Variants in SGCZ observed in about 807,000 individuals in gnomAD.
The protein encoded by SGCZ is zeta-sarcoglycan.
SGCZ carries 40 observed loss-of-function variants against 41.3 expected under a neutral mutation model. The observed-to-expected ratio is 0.97, with a 90% CI of 0.75 to 1.26. SGCZ has a LOEUF of 1.26. Among genes scored for constraint, SGCZ ranks in the 50% most tolerant of loss-of-function variants. The pLI is 0.00. For synonymous variants in SGCZ, 206 were observed against 137.5 expected, an observed-to-expected ratio of 1.50 and a Z score of -3.49; for missense variants, 552 against 369.8, an observed-to-expected ratio of 1.49 and a Z score of -4.04.
At chr8:14,634,873 G>A (rs1369134882) in intron 1 of SGCZ, among the ~76,000 whole-genome samples, 1 of 151,762 alleles carries the variant, frequency 6.6e-6, no homozygotes, top group Non-Finnish European at 1.5e-5. Flanking sequence ...TGAGAGTTAT[G>A]TATAGAGACC....
intron 1 of SGCZ, among the ~76,000 whole-genome samples, chr8:14,864,622 G>T (rs1803863274): frequency 6.6e-6 from 1 of 152,050 alleles, no homozygotes; most frequent in Admixed American, 6.6e-5. Context: ...TAAAGTCAGA[G>T]AAATAATAAC....
At chr8:14,302,285 T>C (rs780000956) in intron 3 of SGCZ, among the ~76,000 whole-genome samples, 4 of 152,188 alleles carry the variant, frequency 2.6e-5, no homozygotes, top group Non-Finnish European at 5.9e-5. Flanking sequence ...ATTTGAAATT[T>C]TCTCTTGAAT....
At chr8:14,181,128 A>C (rs1804711515) in intron 4 of SGCZ, among the ~76,000 whole-genome samples, 1 of 152,216 alleles carries the variant, frequency 6.6e-6, no homozygotes, top group South Asian at 2.1e-4. Flanking sequence ...TAATAGGGCC[A>C]ACGGGAGAAA....
chr8:15,233,539 A>T (rs886432863), intron 1 of SGCZ, among the ~76,000 whole-genome samples: 7 of 152,092 alleles, frequency 4.6e-5, no homozygotes, highest in Non-Finnish European at 5.9e-5. Flanking sequence ...TCATTATATT[A>T]TTTAGGGAAG....
chr8:14,126,638 T>A (rs1411825975), intron 5 of SGCZ, among the ~76,000 whole-genome samples: 1 of 152,188 alleles, frequency 6.6e-6, no homozygotes, highest in Admixed American at 6.5e-5. Context: ...TTACTGGGTA[T>A]ATATCCAAAG....
intron 2 of SGCZ, among the ~76,000 whole-genome samples, chr8:14,417,839 T>C (rs1355634617): frequency 6.6e-6 from 1 of 152,018 alleles, no homozygotes; most frequent in South Asian, 2.1e-4. Context: ...ACAACTTAAA[T>C]ATATATAATT....
chr8:14,463,893 C>T (rs1800973789), intron 2 of SGCZ, among the ~76,000 whole-genome samples: 1 of 145,238 alleles, frequency 6.9e-6, no homozygotes, highest in African/African-American at 2.8e-5. Flanking sequence ...TGTTTTTCTG[C>T]CTTCATTCTC....
intron 1 of SGCZ, among the ~76,000 whole-genome samples, chr8:15,141,913 A>G (rs1195281037): frequency 6.6e-6 from 1 of 152,062 alleles, no homozygotes; most frequent in African/African-American, 2.4e-5. Context: ...AAAAAAACAA[A>G]AAAAATGAGA....
Position 14,375,443 on chromosome 8 carries a change from A to G in SGCZ, c.235-51239T>C, listed in dbSNP as rs145661354. On this transcript the variant is annotated intron_variant, in intron 2 of 7. Transcript: ENST00000382080. ...ACATAATTATTAGGAAGGTTGACTA[A>G]CTACCTATTTATCTATTTAGATCTT... Among the ~76,000 whole-genome samples the G allele has an allele frequency of 3.4e-4, 52 of 152,280 alleles. No individual in the cohort carries two copies. In the East Asian group the frequency reaches 7.5e-3, roughly 22 times the overall value.
intron 1 of SGCZ, among the ~76,000 whole-genome samples, chr8:15,204,035 GA>G (rs1441293780): frequency 1.3e-5 from 2 of 152,084 alleles, no homozygotes; most frequent in African/African-American, 4.8e-5. Context: ...TATGAAATAA[GA>G]AAAATTTTGT....
chr8:15,079,990 T>G (rs1326930334), intron 1 of SGCZ, among the ~76,000 whole-genome samples: 1 of 152,196 alleles, frequency 6.6e-6, no homozygotes, highest in East Asian at 1.9e-4. Flanking sequence ...CTCCAACCCT[T>G]CATTTCTGTT....
chr8:14,827,954 C>T (rs1390001749), intron 1 of SGCZ, among the ~76,000 whole-genome samples: 1 of 152,068 alleles, frequency 6.6e-6, no homozygotes, highest in Non-Finnish European at 1.5e-5. Context: ...TATGAAAGAA[C>T]TAGGCAAAGT....
intron 4 of SGCZ, among the ~76,000 whole-genome samples, chr8:14,206,411 C>T (rs1259471329): frequency 6.6e-6 from 1 of 152,168 alleles, no homozygotes; most frequent in Non-Finnish European, 1.5e-5. Flanking sequence ...AATAAGCACA[C>T]ACAATGGAGT....
chr8:15,156,311 G>A (rs1799329756), intron 1 of SGCZ, among the ~76,000 whole-genome samples: 2 of 152,014 alleles, frequency 1.3e-5, no homozygotes, highest in African/African-American at 4.8e-5. Flanking sequence ...AAGTTCCTAC[G>A]CAGAAATAAG....
chr8:14,616,276 C>A (rs1039606248), intron 1 of SGCZ, among the ~76,000 whole-genome samples: 6 of 128,444 alleles, frequency 4.7e-5, no homozygotes, highest in Non-Finnish European at 1.6e-5. Context: ...GAGCGAGACT[C>A]TGTCTCAAAA....
At chr8:14,843,446 C>T (rs1043077310) in intron 1 of SGCZ, among the ~76,000 whole-genome samples, 2 of 151,940 alleles carry the variant, frequency 1.3e-5, no homozygotes, top group Admixed American at 1.3e-4. Flanking sequence ...TTGTATGTAC[C>T]TTGTAGAATG....
chr8:14,605,829 T>TA (rs1805731139), intron 1 of SGCZ, among the ~76,000 whole-genome samples: 1 of 152,130 alleles, frequency 6.6e-6, no homozygotes, highest in Admixed American at 6.5e-5. Context: ...ATGTAGCAAA[T>TA]AAAAAGGAAT....
chr8:14,507,486 A>G (rs1802339393), intron 2 of SGCZ, among the ~76,000 whole-genome samples: 1 of 152,210 alleles, frequency 6.6e-6, no homozygotes, highest in African/African-American at 2.4e-5. Flanking sequence ...ATCTCATTTA[A>G]GCCAAAATGA....
At chr8:14,730,412 G>T (rs1810198746) in intron 1 of SGCZ, among the ~76,000 whole-genome samples, 1 of 151,942 alleles carries the variant, frequency 6.6e-6, no homozygotes, top group Non-Finnish European at 1.5e-5. Flanking sequence ...AAATCGATTA[G>T]AATACTAAAG....
Sources: gnomAD v4.1 joint callset for allele counts (sites outside exome capture counted in the v4.1 genomes callset) on GRCh38, gnomAD v4.1.1 for gene constraint, MANE v1.5 for transcripts, NCBI Gene and HGNC (gene_info 2026-07-23, HGNC 2026-07-21) for gene names.